GAD2: variants seen among roughly 807,000 people sequenced by gnomAD.
The protein encoded by GAD2 is glutamate decarboxylase 2, also known as 65 kDa glutamic acid decarboxylase.
In GAD2, 22 loss-of-function variants were observed where a neutral mutation model predicts 80.1. That is an observed-to-expected ratio of 0.27 (90% confidence interval 0.20 to 0.39). The LOEUF (loss-of-function observed/expected upper bound fraction) is 0.39, where lower values mean the gene tolerates loss of function less well. GAD2 is among the 10% of genes least tolerant of loss of function. The pLI is 1.00. For synonymous variants in GAD2, 274 were observed against 256.9 expected (o/e 1.07, Z -0.64); for missense variants, 624 against 738.4 (o/e 0.85, Z 1.80).
intron 8 of GAD2, among the ~76,000 whole-genome samples, chr10:26,257,355 A>C (rs1466785653): frequency 6.6e-6 from 1 of 152,166 alleles, no homozygotes; most frequent in African/African-American, 2.4e-5. Context: ...CCAGCCTGGG[A>C]GACAGAGCGA....
intron 11 of GAD2, 72 bp from the exon 12 acceptor site, chr10:26,280,935 CTG>C (rs1376436070): frequency 3.4e-6 from 3 of 890,722 alleles, no homozygotes; most frequent in Non-Finnish European, 5.6e-6. Flanking sequence ...TACCAAGAAA[CTG>C]AAGCTCAGTT....
intron 8 of GAD2, among the ~76,000 whole-genome samples, chr10:26,254,000 ATTAG>A (rs940962408): frequency 1.2e-4 from 19 of 152,114 alleles, no homozygotes; most frequent in African/African-American, 4.6e-4. Flanking sequence ...ATCATCAGGC[ATTAG>A]TTAGATTCTT....
At chr10:26,258,540 C>A (rs1302542198) in intron 8 of GAD2, among the ~76,000 whole-genome samples, 1 of 152,118 alleles carries the variant, frequency 6.6e-6, no homozygotes. Context: ...AACTCCCTAC[C>A]ACCCCCTCCC....
At chr10:26,291,187 T>C (rs1237374496) in intron 13 of GAD2, among the ~76,000 whole-genome samples, 4 of 152,206 alleles carry the variant, frequency 2.6e-5, no homozygotes, top group Admixed American at 2.0e-4. Flanking sequence ...TCCAGACTGG[T>C]CCAAAGGATC....
intron 4 of GAD2, among the ~76,000 whole-genome samples, chr10:26,219,781 T>C (rs1208195411): frequency 6.6e-6 from 1 of 152,230 alleles, no homozygotes; most frequent in Non-Finnish European, 1.5e-5. Context: ...ATGGCCAACC[T>C]TTCAGATTTG....
At chr10:26,257,561 A>G (rs1351318642) in intron 8 of GAD2, among the ~76,000 whole-genome samples, 3 of 152,228 alleles carry the variant, frequency 2.0e-5, no homozygotes, top group Admixed American at 6.5e-5. Context: ...GCATAGGACT[A>G]CAAGAGTCAT....
At chr10:26,254,871 G>C (rs1184898248) in intron 8 of GAD2, among the ~76,000 whole-genome samples, 3 of 152,244 alleles carry the variant, frequency 2.0e-5, no homozygotes. Context: ...TGGTGTGCAG[G>C]TTGAGACAGG....
At chr10:26,300,693 A>C in intron 15 of GAD2, 95 bp from the exon 16 acceptor site, 1 of 1,100,676 alleles carries the variant, frequency 9.1e-7, no homozygotes, top group Non-Finnish European at 1.3e-6. Flanking sequence ...CTGACTGTTG[A>C]GCTAAAAACT....
chr10:26,229,731 A>G lies in GAD2; in HGVS notation c.794A>G (p.Lys265Arg). Residue 265 changes from lysine to arginine, a missense_variant, in exon 7 of 16, where the codon AAA becomes AGA. Transcript: ENST00000376261. ...AAGATGTTCCCAGAAGTCAAGGAGAAAGGAATGGCTGCTCTTCCCAGGCTC... is the reference window on the plus strand; with the variant it reads ...AAGATGTTCCCAGAAGTCAAGGAGAGAGGAATGGCTGCTCTTCCCAGGCTC... ...RFKMFPEVKEKGMAALPRLIA... is the reference protein window; with the variant it reads ...RFKMFPEVKERGMAALPRLIA... 6.2e-7 allele frequency: 1 copy of G among 1,614,138 alleles called. No individual in the cohort carries two copies. Among genetic ancestry groups the G allele is most frequent in the Non-Finnish European group, 8.5e-7 (1 of 1,179,996 alleles).
chr10:26,265,565 C>T (rs1390465243), intron 8 of GAD2, among the ~76,000 whole-genome samples: 1 of 152,090 alleles, frequency 6.6e-6, no homozygotes, highest in Non-Finnish European at 1.5e-5. Flanking sequence ...ACACCTTGTC[C>T]AAAGCAGCAG....
At position 26,291,459 on chromosome 10, in the gene GAD2, T is replaced by G. The variant is rs531916606; in HGVS notation, c.1387-1006T>G. On this transcript the variant is annotated intron_variant, in intron 13 of 15. Coordinates refer to ENST00000376261, the MANE Select transcript of GAD2 (RefSeq NM_001134366.2). Reference sequence around the variant, plus strand: ...AGTGAATTTCTGAACCCATTTGATATCTCCAGGGCAGCTTGTTCTTAAACC... The same window carrying G: ...AGTGAATTTCTGAACCCATTTGATAGCTCCAGGGCAGCTTGTTCTTAAACC... 2.0e-5 allele frequency among the ~76,000 whole-genome samples: 3 copies of G among 152,280 alleles called. 1 individual carries two copies. In the Middle Eastern group the frequency reaches 0.01, roughly 518 times the overall value.
In GAD2 at chr10:26,217,983, A is replaced by C. The variant is rs1357321101; in HGVS notation, c.278A>C (p.His93Pro). Residue 93 changes from histidine (H) to proline (P), a missense_variant, in exon 3 of 16, where the codon CAT (histidine) becomes CCT (proline). Physicochemically the swap from His to Pro is moderately conservative, Grantham distance 77. Coordinates refer to ENST00000376261, the MANE Select transcript of GAD2 (RefSeq NM_001134366.2). The surrounding 1 kb of genome is among the most constrained non-coding windows in gnomAD (Gnocchi z 4.9). ...GTGGATGTCAACTACGCGTTTCTCCATGCAACAGGTAAAGACTCAGCGGGG... is the reference window on the plus strand; with the variant it reads ...GTGGATGTCAACTACGCGTTTCTCCCTGCAACAGGTAAAGACTCAGCGGGG... ...SKVDVNYAFL[H>P]ATDLLPACDG... 2 of 1,609,702 alleles carry C rather than the reference A, an allele frequency of 1.2e-6. No individual in the cohort carries two copies. The highest frequency in any genetic ancestry group is 4.5e-5 in the East Asian group (2 of 44,716).
intron 8 of GAD2, among the ~76,000 whole-genome samples, chr10:26,264,603 G>T (rs915036666): frequency 3.9e-5 from 6 of 152,118 alleles, no homozygotes; most frequent in Non-Finnish European, 7.4e-5. Flanking sequence ...GAGCCACCAT[G>T]CCCGGCCCAG....
chr10:26,229,858 A>G (rs1228903070), intron 7 of GAD2, 81 bp downstream of exon 7: 2 of 1,018,388 alleles, frequency 2.0e-6, no homozygotes, highest in Non-Finnish European at 3.0e-6. Context: ...GAAATGCATT[A>G]TCCCCAGAGG....
intron 6 of GAD2, among the ~76,000 whole-genome samples, chr10:26,225,148 CA>C (rs577774549): frequency 1.7e-4 from 26 of 152,300 alleles, no homozygotes; most frequent in African/African-American, 6.3e-4. Context: ...TCAAGGAGGA[CA>C]GAGAACGCTT....
chr10:26,298,378 G>T (rs1041975202), intron 15 of GAD2, among the ~76,000 whole-genome samples: 7 of 152,132 alleles, frequency 4.6e-5, no homozygotes, highest in African/African-American at 1.4e-4. Context: ...GCTAATTTTA[G>T]TTCATCAGCA....
At chr10:26,283,085 G>A (rs545031253) in intron 12 of GAD2, among the ~76,000 whole-genome samples, 1 of 152,328 alleles carries the variant, frequency 6.6e-6, no homozygotes, top group African/African-American at 2.4e-5. Flanking sequence ...AGGGAAATGC[G>A]AGCCGGAGGA....
intron 7 of GAD2, among the ~76,000 whole-genome samples, chr10:26,237,619 C>T (rs552590029): frequency 1.2e-3 from 180 of 152,286 alleles, no homozygotes; most frequent in Non-Finnish European, 1.9e-3. Context: ...GCCAAAGCAA[C>T]ACTCAAGGAT....
At chr10:26,296,910 G>C (rs969867549) in intron 15 of GAD2, among the ~76,000 whole-genome samples, 1 of 146,168 alleles carries the variant, frequency 6.8e-6, no homozygotes, top group Non-Finnish European at 1.5e-5. Context: ...TGAAATTTTC[G>C]CATATTAGAA....
Sources: gnomAD v4.1 joint callset for allele counts (sites outside exome capture counted in the v4.1 genomes callset) on GRCh38, gnomAD v4.1.1 for gene constraint, Gnocchi (gnomAD v3.1) non-coding constraint, MANE v1.5 for transcripts, NCBI Gene and HGNC (gene_info 2026-07-23, HGNC 2026-07-21) for gene names.